The following DEFA5 variants were observed in gnomAD, a reference collection of about 807,000 sequenced individuals.
DEFA5 encodes HD5(20-94).
DEFA5 carries 11 observed loss-of-function variants against 8.7 expected under a neutral mutation model. The observed-to-expected ratio is 1.26, with a 90% CI of 0.80 to 2.09. The LOEUF (loss-of-function observed/expected upper bound fraction) is 2.09, where lower values mean the gene tolerates loss of function less well. Among genes scored for constraint, DEFA5 ranks in the 30% most tolerant of loss-of-function variants. DEFA5 has a pLI of 0.00. For missense variants in DEFA5, 181 were observed against 117.2 expected (o/e 1.54, Z -2.52); for synonymous variants, 52 against 43.9 (o/e 1.18, Z -0.73).
Position 7,055,543 on chromosome 8 carries a change from C to G in DEFA5, c.173G>C (p.Gly58Ala), listed in dbSNP as rs200108720. 6.8e-6 allele frequency: 11 copies of G among 1,607,984 alleles called. No homozygotes were observed. The highest frequency in any genetic ancestry group is 1.7e-5 in the Admixed American group (1 of 59,584). ...GNGLSALRTSGSQARATCYCR... is the reference protein window; with the variant it reads ...GNGLSALRTSASQARATCYCR... ...ATAGCAGGTGGCTCTTGCCTGAGAACCTGTGGAAAGAAGAGAGGGTCAGGC... is the reference window on the plus strand; with the variant it reads ...ATAGCAGGTGGCTCTTGCCTGAGAAGCTGTGGAAAGAAGAGAGGGTCAGGC... The change falls in exon 2 of 2, where the codon GGT becomes GCT. Residue 58 changes from glycine (G) to alanine (A), a missense_variant and splice_region_variant. Physicochemically the swap from Gly to Ala is moderately conservative, Grantham distance 60 (BLOSUM62 0). Coordinates refer to ENST00000330590, the MANE Select transcript of DEFA5 (RefSeq NM_021010.3).
intron 1 of DEFA5, 143 bp from the exon 2 acceptor site, chr8:7,055,686 A>T (rs545765853): frequency 1.6e-6 from 1 of 635,106 alleles, no homozygotes; most frequent in East Asian, 2.8e-5. Context: ...GTCGTAAGTG[A>T]CAAGAAATCT....
chr8:7,055,671 T>A, intron 1 of DEFA5, 128 bp from the exon 2 acceptor site: 1 of 658,438 alleles, frequency 1.5e-6, no homozygotes, highest in Non-Finnish European at 2.7e-6. Flanking sequence ...AAAATTCATG[T>A]CTTTGTCGTA....
At position 7,056,556 on chromosome 8, in the gene DEFA5, C is replaced by T. The variant is rs371934641; in HGVS notation, c.142G>A (p.Gly48Arg). 2 of 1,613,574 alleles carry T rather than the reference C, an allele frequency of 1.2e-6. No individual in the cohort carries two copies. The highest frequency in any genetic ancestry group is 1.7e-6 in the Non-Finnish European group (2 of 1,179,604). Reference protein sequence around the residue: ...DNQDLAISFAGNGLSALRTSG... With the variant: ...DNQDLAISFARNGLSALRTSG... ...GTTCTAAGAGCAGAGAGTCCATTTC[C>T]TGCAAAGGAGATAGCAAGGTCCTGG... The change falls in exon 1 of 2, where the codon GGA becomes AGA. Residue 48 changes from glycine to arginine, a missense_variant. By Grantham distance (125) the Gly-to-Arg change is moderately radical. Coordinates refer to ENST00000330590, the MANE Select transcript of DEFA5 (RefSeq NM_021010.3).
chr8:7,056,496 T>G (rs1295563348), intron 1 of DEFA5, 30 bp downstream of exon 1: 3 of 1,576,324 alleles, frequency 1.9e-6, no homozygotes, highest in Non-Finnish European at 2.6e-6. Flanking sequence ...TTTCTAGATT[T>G]TGCAGATGTG....
intron 1 of DEFA5, among the ~76,000 whole-genome samples, 174 bp downstream of exon 1, chr8:7,056,352 A>G (rs575906446): frequency 6.6e-6 from 1 of 152,326 alleles, no homozygotes; most frequent in African/African-American, 2.4e-5. Context: ...AAAAAAGAAA[A>G]TCTTTTAGAT....
rs1456794394 is a variant in DEFA5, at chr8:7,055,483, A to G, written c.233T>C (p.Leu78Pro). 1 of 1,613,856 alleles carries G rather than the reference A, an allele frequency of 6.2e-7. No homozygotes were observed. Among genetic ancestry groups the G allele is most frequent in the Non-Finnish European group, 8.5e-7 (1 of 1,179,936 alleles). ...RTGRCATRES[L>P]SGVCEISGRL... ...GCCACTGATTTCACACACCCCGGAGAGGGACTCACGGGTAGCACAACGGCC... is the reference window on the plus strand; with the variant it reads ...GCCACTGATTTCACACACCCCGGAGGGGGACTCACGGGTAGCACAACGGCC... The change falls in exon 2 of 2, where the codon CTC (leucine) becomes CCC (proline). Residue 78 changes from leucine (L) to proline (P), a missense_variant. Transcript: ENST00000330590.
At chr8:7,056,392 A>G in intron 1 of DEFA5, 134 bp downstream of exon 1, 2 of 879,206 alleles carry the variant, frequency 2.3e-6, no homozygotes, top group Non-Finnish European at 3.3e-6. Context: ...TAATTTATAG[A>G]TGAGAAAATC....
At position 7,056,580 on chromosome 8, in the gene DEFA5, G is replaced by A. The variant is rs142230452; in HGVS notation, c.118C>T (p.Gln40Ter). The change falls in exon 1 of 2, where the codon CAG (glutamine) becomes TAG (stop). Residue 40 changes from glutamine (Q) to a stop codon, truncating the protein, a stop_gained. Transcript: ENST00000330590. LOFTEE classifies it high-confidence loss of function. ...TTQKQSGEDN[Q>*]DLAISFAGNG... ...CCTGCAAAGGAGATAGCAAGGTCCTGGTTGTCTTCCCCAGACTGCTTCTGG... is the reference window on the plus strand; with the variant it reads ...CCTGCAAAGGAGATAGCAAGGTCCTAGTTGTCTTCCCCAGACTGCTTCTGG... 12 of 1,614,082 alleles carry A rather than the reference G, an allele frequency of 7.4e-6. No homozygotes were observed. Among genetic ancestry groups the A allele is most frequent in the Non-Finnish European group, 9.3e-6 (11 of 1,179,952 alleles).
At chr8:7,056,283 C>G (rs17078609) in intron 1 of DEFA5, among the ~76,000 whole-genome samples, 11,717 of 152,130 alleles carry the variant, frequency 0.077, 480 homozygotes, top group Non-Finnish European at 0.088. Context: ...GTCAGTGTAG[C>G]TCTTTCTATC....
rs1812390900 is a variant in DEFA5, at chr8:7,055,545, TG to T, written c.173-3del. ...AGCAGGTGGCTCTTGCCTGAGAACC[TG>T]TGGAAAGAAGAGAGGGTCAGGCACA... is the stretch of plus-strand genomic sequence containing the variant. On this transcript the variant is annotated splice_polypyrimidine_tract_variant and splice_region_variant and intron_variant, in intron 1 of 1. Transcript: ENST00000330590. 2 of 1,606,842 alleles carry T rather than the reference TG, an allele frequency of 1.2e-6. No homozygotes were observed.
chr8:7,055,345 G>T lies in DEFA5; in HGVS notation c.*86C>A. On this transcript the variant is annotated 3_prime_UTR_variant, in exon 2 of 2. Transcript: ENST00000330590. ...TATTTTGGAGAGAGAAATTTAGAAA[G>T]ACACAAGGTACACAGAGTAAAATGT... The T allele has an allele frequency of 1.0e-6, 1 of 953,274 alleles. No individual in the cohort carries two copies. 59.1% of individuals were successfully genotyped at this position (953,274 alleles called of 1,614,324 possible).
At position 7,055,536 on chromosome 8, in the gene DEFA5, C is replaced by G. The variant is rs375463850; in HGVS notation, c.180G>C (p.Gln60His). Residue 60 changes from glutamine (Q) to histidine (H), a missense_variant, in exon 2 of 2, where the codon CAG (glutamine) becomes CAC (histidine). Physicochemically the swap from Gln to His is conservative, Grantham distance 24. Transcript: ENST00000330590. ...GLSALRTSGS[Q>H]ARATCYCRTG... ...TTCGGCAATAGCAGGTGGCTCTTGC[C>G]TGAGAACCTGTGGAAAGAAGAGAGG... The G allele has an allele frequency of 1.1e-5, 17 of 1,610,536 alleles. No individual in the cohort carries two copies. The highest frequency in any genetic ancestry group is 1.4e-5 in the Non-Finnish European group (16 of 1,177,996).
chr8:7,056,477 A>C lies in DEFA5; in HGVS notation c.172+49T>G, dbSNP rs774290820. On this transcript the variant is annotated intron_variant, in intron 1 of 1. Coordinates refer to ENST00000330590, the MANE Select transcript of DEFA5 (RefSeq NM_021010.3). ...ACACTTGACTCCAGATCCTTTCTCC[A>C]ATCCTTTTTTTCTAGATTTTGCAGA... The C allele has an allele frequency of 3.2e-6, 5 of 1,549,820 alleles. No homozygotes were observed. The South Asian group carries it at 4.9e-5, about 15-fold the overall frequency.
Position 7,056,604 on chromosome 8 carries a change from G to C in DEFA5, c.94C>G (p.Gln32Glu). The C allele has an allele frequency of 6.2e-7, 1 of 1,614,168 alleles. No individual in the cohort carries two copies. Among genetic ancestry groups the C allele is most frequent in the Non-Finnish European group, 8.5e-7 (1 of 1,179,998 alleles). The change falls in exon 1 of 2, where the codon CAG (glutamine) becomes GAG (glutamate). Residue 32 changes from glutamine to glutamate, a missense_variant. Coordinates refer to ENST00000330590, the MANE Select transcript of DEFA5 (RefSeq NM_021010.3). ...LQERADEATT[Q>E]KQSGEDNQDL... ...TGGTTGTCTTCCCCAGACTGCTTCTGGGTTGTAGCCTCATCAGCTCTTTCC... is the reference window on the plus strand; with the variant it reads ...TGGTTGTCTTCCCCAGACTGCTTCTCGGTTGTAGCCTCATCAGCTCTTTCC...
rs758412411 is a variant in DEFA5 at position 7,056,644 on chromosome 8, C to T, written c.54G>A (p.Gln18=). The T allele has an allele frequency of 1.2e-6, 2 of 1,614,010 alleles. No homozygotes were observed. The highest frequency in any genetic ancestry group is 1.1e-5 in the South Asian group (1 of 91,050). ...CAGCTCTTTCCTGGAGTGACTCAGCCTGGGCCTGCAGGGCCACCAGGAGAA... is the reference window on the plus strand; with the variant it reads ...CAGCTCTTTCCTGGAGTGACTCAGCTTGGGCCTGCAGGGCCACCAGGAGAA... ...AAILLVALQA[Q]AESLQERADE... is the part of the protein sequence containing the mutation. Residue 18 remains glutamine (Q), a synonymous_variant, in exon 1 of 2, where the codon CAG becomes CAA. Transcript: ENST00000330590.
In DEFA5 at chr8:7,056,662, C is replaced by T. The variant is rs1812443933; in HGVS notation, c.36G>A (p.Leu12=). 1 of 1,613,510 alleles carries T rather than the reference C, an allele frequency of 6.2e-7. No homozygotes were observed. The highest frequency in any genetic ancestry group is 1.7e-5 in the Admixed American group (1 of 60,010). ...RTIAILAAIL[L]VALQAQAESL... is the part of the protein sequence containing the mutation. ...ACTCAGCCTGGGCCTGCAGGGCCACCAGGAGAATGGCAGCAAGGATGGCGA... is the reference window on the plus strand; with the variant it reads ...ACTCAGCCTGGGCCTGCAGGGCCACTAGGAGAATGGCAGCAAGGATGGCGA... Residue 12 remains leucine (L), a synonymous_variant, in exon 1 of 2, where the codon CTG becomes CTA. Coordinates refer to ENST00000330590, the MANE Select transcript of DEFA5 (RefSeq NM_021010.3).
chr8:7,055,538 G>A lies in DEFA5; in HGVS notation c.178C>T (p.Gln60Ter), dbSNP rs775340027. 3.7e-6 allele frequency: 6 copies of A among 1,609,814 alleles called. No homozygotes were observed. The highest frequency in any genetic ancestry group is 5.1e-6 in the Non-Finnish European group (6 of 1,177,384). Residue 60 changes from glutamine to a stop codon, truncating the protein, a stop_gained, in exon 2 of 2, where the codon CAG (glutamine) becomes TAG (stop). Transcript: ENST00000330590. LOFTEE classifies it high-confidence loss of function. Reference protein sequence around the residue: ...GLSALRTSGSQARATCYCRTG... With the variant: ...GLSALRTSGS ...CGGCAATAGCAGGTGGCTCTTGCCT[G>A]AGAACCTGTGGAAAGAAGAGAGGGT...
intron 1 of DEFA5, 46 bp downstream of exon 1, chr8:7,056,480 C>G (rs761647937): frequency 6.4e-6 from 10 of 1,553,632 alleles, no homozygotes; most frequent in Non-Finnish European, 7.9e-6. Context: ...TTTCTCCAAT[C>G]CTTTTTTTCT....
chr8:7,056,014 C>CTTTTTTTTTTTTTTTTTTTTTTTTTTT (rs56220551), intron 1 of DEFA5, among the ~76,000 whole-genome samples: 2 of 112,946 alleles, frequency 1.8e-5, no homozygotes, highest in Non-Finnish European at 3.4e-5. Flanking sequence ...TCTGTCTCTC[C>CTTTTTTTTTTTTTTTTTTTTTTTTTTT]TTTTTTTTTT....
Sources: gnomAD v4.1 joint callset for allele counts (sites outside exome capture counted in the v4.1 genomes callset) on GRCh38, gnomAD v4.1.1 for gene constraint, MANE v1.5 for transcripts, NCBI Gene and HGNC (gene_info 2026-07-23, HGNC 2026-07-21) for gene names.